The following THRB variants were observed in gnomAD, a reference collection of about 807,000 sequenced individuals.
THRB encodes the protein thyroid hormone receptor beta.
THRB carries 12 observed loss-of-function variants against 47.8 expected under a neutral mutation model. The ratio of observed to expected loss-of-function variants is 0.25; its 90% CI spans 0.16 to 0.41. THRB has a LOEUF of 0.41. Ranked by LOEUF, THRB falls within the 10% of genes least tolerant of loss-of-function variation. THRB has a pLI of 1.00. For missense variants in THRB, 348 were observed against 589.2 expected (o/e 0.59, Z 4.24); for synonymous variants, 218 against 212.2 (o/e 1.03, Z -0.24).
chr3:24,296,550 G>T (rs2056463845), intron 3 of THRB, among the ~76,000 whole-genome samples: 1 of 152,156 alleles, frequency 6.6e-6, no homozygotes, highest in African/African-American at 2.4e-5. Context: ...TAAAAGCCTA[G>T]GTCTAACAGA....
At chr3:24,153,956 T>G (rs1327952963) in intron 5 of THRB, among the ~76,000 whole-genome samples, 3 of 152,330 alleles carry the variant, frequency 2.0e-5, no homozygotes, top group African/African-American at 7.2e-5. Flanking sequence ...TCATAGACCT[T>G]TTATTAAACT....
chr3:24,209,666 G>A (rs1232891211), intron 4 of THRB, among the ~76,000 whole-genome samples: 1 of 152,042 alleles, frequency 6.6e-6, no homozygotes, highest in Non-Finnish European at 1.5e-5. Flanking sequence ...CACACACCAG[G>A]GCCTGTCATA....
chr3:24,416,151 CT>C (rs2068715248), intron 1 of THRB, among the ~76,000 whole-genome samples: 1 of 151,740 alleles, frequency 6.6e-6, no homozygotes, highest in Admixed American at 6.6e-5. Flanking sequence ...TATAAACGTA[CT>C]TTTAATTTTT....
rs1473952500 is a variant in THRB, at chr3:24,121,317, G to C, written c.*1567C>G. The C allele has an allele frequency of 2.0e-5, 3 of 152,544 alleles. No individual in the cohort carries two copies. Among genetic ancestry groups the C allele is most frequent in the Non-Finnish European group, 4.4e-5 (3 of 68,038 alleles). 9.4% of individuals were successfully genotyped at this position (152,544 alleles called of 1,614,324 possible). A position where few individuals can be genotyped will look rare whatever the true frequency, so the allele number is the denominator to read the frequency against. On this transcript the variant is annotated 3_prime_UTR_variant, in exon 11 of 11. Coordinates refer to ENST00000646209, the MANE Select transcript of THRB (RefSeq NM_001354712.2). Reference sequence around the variant, plus strand: ...TTATGCTCCACCAAACTTACAAAAAGCATCTACTTGGTTTCCATAGTGACT... The same window carrying C: ...TTATGCTCCACCAAACTTACAAAAACCATCTACTTGGTTTCCATAGTGACT...
At chr3:24,150,444 A>G (rs1417416327) in intron 6 of THRB, among the ~76,000 whole-genome samples, 1 of 152,164 alleles carries the variant, frequency 6.6e-6, no homozygotes, top group East Asian at 1.9e-4. Context: ...GCAACCCTAG[A>G]AACAGGATTC....
chr3:24,286,321 T>C (rs1003991622), intron 3 of THRB, among the ~76,000 whole-genome samples: 2 of 152,202 alleles, frequency 1.3e-5, no homozygotes, highest in East Asian at 3.8e-4. Context: ...AAACAATAAC[T>C]TTCTAAGGAA....
chr3:24,345,487 C>T lies in THRB; in HGVS notation c.-260-8116G>A, dbSNP rs374278782. 7.9e-5 allele frequency among the ~76,000 whole-genome samples: 12 copies of T among 152,194 alleles called. No homozygotes were observed. In the East Asian group the frequency reaches 2.1e-3, roughly 27 times the overall value. ...CAACATAATAATAAAAACAAATAGA[C>T]ACTTTAGGCATGCAGAGTGCAGCAA... On this transcript the variant is annotated intron_variant, in intron 1 of 10. Coordinates refer to ENST00000646209, the MANE Select transcript of THRB (RefSeq NM_001354712.2).
intron 4 of THRB, among the ~76,000 whole-genome samples, chr3:24,209,300 A>G (rs1404734895): frequency 2.6e-5 from 4 of 152,208 alleles, no homozygotes; most frequent in Non-Finnish European, 4.4e-5. Flanking sequence ...ATCTAGAACT[A>G]TTTGACCCAG....
intron 1 of THRB, among the ~76,000 whole-genome samples, chr3:24,488,262 GA>G (rs1697603551): frequency 6.6e-6 from 1 of 152,168 alleles, no homozygotes. Flanking sequence ...ATGACTCCCT[GA>G]AGACCCTCTT....
intron 3 of THRB, among the ~76,000 whole-genome samples, chr3:24,237,118 G>A (rs1402362530): frequency 6.6e-6 from 1 of 152,168 alleles, no homozygotes; most frequent in East Asian, 1.9e-4. Flanking sequence ...TAAAAATGTG[G>A]AAAACTAGTG....
At chr3:24,240,282 A>C (rs866952225) in intron 3 of THRB, among the ~76,000 whole-genome samples, 1 of 152,190 alleles carries the variant, frequency 6.6e-6, no homozygotes, top group South Asian at 2.1e-4. Context: ...CACAGAGTGA[A>C]GTCTTAGCAG....
At chr3:24,399,651 T>C (rs561061820) in intron 1 of THRB, among the ~76,000 whole-genome samples, 28 of 152,220 alleles carry the variant, frequency 1.8e-4, no homozygotes, top group Admixed American at 1.2e-3. Flanking sequence ...TTAGCTTCTC[T>C]TGGAAAAATT....
At chr3:24,151,414 G>C (rs1250493829) in intron 6 of THRB, among the ~76,000 whole-genome samples, 1 of 152,164 alleles carries the variant, frequency 6.6e-6, no homozygotes, top group African/African-American at 2.4e-5. Flanking sequence ...AGGTGGATGA[G>C]AGAGGAGGGA....
At chr3:24,177,456 ACT>A (rs1253644264) in intron 5 of THRB, among the ~76,000 whole-genome samples, 3 of 152,126 alleles carry the variant, frequency 2.0e-5, no homozygotes, top group Non-Finnish European at 4.4e-5. Context: ...CACAGAACAC[ACT>A]CAATTTAAAA....
At chr3:24,303,239 G>C (rs879773140) in intron 2 of THRB, among the ~76,000 whole-genome samples, 21 of 152,168 alleles carry the variant, frequency 1.4e-4, no homozygotes, top group Non-Finnish European at 1.9e-4. Flanking sequence ...CCTGTGCCAT[G>C]AATCTTTGCT....
intron 4 of THRB, among the ~76,000 whole-genome samples, chr3:24,204,844 T>A (rs1295659306): frequency 6.6e-6 from 1 of 152,184 alleles, no homozygotes; most frequent in East Asian, 1.9e-4. Flanking sequence ...GCGCAAGAAC[T>A]ACGTGACGAA....
intron 3 of THRB, among the ~76,000 whole-genome samples, chr3:24,258,746 C>A (rs2051598178): frequency 6.6e-6 from 1 of 152,146 alleles, no homozygotes; most frequent in Non-Finnish European, 1.5e-5. Flanking sequence ...TCTACCTGGG[C>A]AGCAGGTATG....
chr3:24,235,768 T>C (rs920333482), intron 3 of THRB, among the ~76,000 whole-genome samples: 2 of 152,136 alleles, frequency 1.3e-5, no homozygotes, highest in African/African-American at 2.4e-5. Context: ...TCACCTAGCA[T>C]TGAGCAAACG....
chr3:24,494,316 C>T (rs1698677194), intron 1 of THRB: 1 of 152,356 alleles, frequency 6.6e-6, no homozygotes, highest in African/African-American at 2.4e-5. Context: ...TCACAAGGAA[C>T]ATGTCAACAG....
Sources: gnomAD v4.1 joint callset for allele counts (sites outside exome capture counted in the v4.1 genomes callset) on GRCh38, gnomAD v4.1.1 for gene constraint, MANE v1.5 for transcripts, NCBI Gene and HGNC (gene_info 2026-07-23, HGNC 2026-07-21) for gene names.